Variants in XIRP2 observed in about 807,000 individuals in gnomAD.
XIRP2 encodes the protein xin actin-binding repeat-containing protein 2.
Under a neutral mutation model 277.0 loss-of-function variants are expected in XIRP2, and 236 were observed. The observed-to-expected ratio is 0.85, with a 90% CI of 0.77 to 0.95. The LOEUF (loss-of-function observed/expected upper bound fraction) is 0.95. Among genes scored for constraint, XIRP2 ranks in the 40% least tolerant of loss-of-function variants. XIRP2 has a pLI of 0.00. For synonymous variants in XIRP2, 1,490 were observed against 1,416.5 expected (o/e 1.05, Z -1.17); for missense variants, 4,640 against 4,157.5 (o/e 1.12, Z -3.19).
intron 3 of XIRP2, among the ~76,000 whole-genome samples, chr2:167,204,596 A>G (rs971112868): frequency 3.3e-5 from 5 of 152,310 alleles, no homozygotes; most frequent in Admixed American, 2.6e-4. Context: ...ATCTCCTGGT[A>G]TGATTGAGAA....
intron 2 of XIRP2, among the ~76,000 whole-genome samples, chr2:167,130,623 T>C (rs1293648272): frequency 6.6e-6 from 1 of 152,188 alleles, no homozygotes; most frequent in Non-Finnish European, 1.5e-5. Context: ...TCCAGTCTGC[T>C]GACCCTTTAT....
At chr2:167,077,787 G>T (rs1025304235) in intron 2 of XIRP2, among the ~76,000 whole-genome samples, 2 of 152,184 alleles carry the variant, frequency 1.3e-5, no homozygotes, top group African/African-American at 4.8e-5. Context: ...AGTGACAAGG[G>T]AAGGTGTGAA....
intron 2 of XIRP2, among the ~76,000 whole-genome samples, chr2:167,034,009 A>G (rs1367136937): frequency 3.3e-5 from 5 of 152,180 alleles, no homozygotes; most frequent in Non-Finnish European, 7.3e-5. Flanking sequence ...TGTTATATAA[A>G]CTACTTATAT....
intron 5 of XIRP2, among the ~76,000 whole-genome samples, chr2:167,220,461 C>T (rs756039547): frequency 1.1e-4 from 16 of 152,206 alleles, no homozygotes; most frequent in Non-Finnish European, 1.8e-4. Context: ...GTGCTTAACA[C>T]ATTGCCTGGT....
intron 2 of XIRP2, among the ~76,000 whole-genome samples, chr2:166,997,195 T>C (rs934824828): frequency 1.3e-5 from 2 of 152,202 alleles, no homozygotes; most frequent in Admixed American, 1.3e-4. Flanking sequence ...CAGGATTTTT[T>C]ATTAATCTTT....
chr2:167,239,775 G>A, intron 5 of XIRP2, 80 bp from the exon 6 acceptor site: 2 of 1,174,146 alleles, frequency 1.7e-6, no homozygotes, highest in Non-Finnish European at 2.4e-6. Flanking sequence ...TTCAGAAATT[G>A]TCACTGAAAT....
At chr2:166,977,090 A>T (rs1686735179) in intron 2 of XIRP2, among the ~76,000 whole-genome samples, 1 of 152,068 alleles carries the variant, frequency 6.6e-6, no homozygotes, top group African/African-American at 2.4e-5. Context: ...CCTGAAAGCA[A>T]TGTGTGTTTG....
chr2:167,036,888 T>C (rs1688520682), intron 2 of XIRP2, among the ~76,000 whole-genome samples: 1 of 152,184 alleles, frequency 6.6e-6, no homozygotes, highest in South Asian at 2.1e-4. Context: ...TTATGAGACC[T>C]GATGGGTTTA....
At chr2:167,035,859 C>T (rs1363739602) in intron 2 of XIRP2, among the ~76,000 whole-genome samples, 1 of 152,192 alleles carries the variant, frequency 6.6e-6, no homozygotes, top group East Asian at 1.9e-4. Context: ...GGCCCCTATG[C>T]TTTGTGCAGC....
chr2:167,212,332 A>G (rs1000700050), intron 4 of XIRP2, among the ~76,000 whole-genome samples: 1 of 152,220 alleles, frequency 6.6e-6, no homozygotes, highest in Non-Finnish European at 1.5e-5. Context: ...GAAAATGCCT[A>G]AAGACTGGTT....
intron 3 of XIRP2, among the ~76,000 whole-genome samples, chr2:167,186,901 T>A (rs182962349): frequency 7.2e-5 from 11 of 151,902 alleles, no homozygotes; most frequent in African/African-American, 2.7e-4. Context: ...AAAAACAAAC[T>A]AATGTTTTAC....
In XIRP2 at chr2:167,009,518, C is replaced by T. The variant is rs900174932; in HGVS notation, c.408+105628C>T. On this transcript the variant is annotated intron_variant, in intron 2 of 10. Transcript: ENST00000409195. Reference sequence around the variant, plus strand: ...TTTGCTATTGTGAATAGTGCCGCAACAAACATGCGTGTGCATGTGTCTTTA... The same window carrying T: ...TTTGCTATTGTGAATAGTGCCGCAATAAACATGCGTGTGCATGTGTCTTTA... 9.9e-5 allele frequency among the ~76,000 whole-genome samples: 15 copies of T among 151,888 alleles called. No homozygotes were observed. The South Asian group carries it at 2.5e-3, about 25-fold the overall frequency.
chr2:167,227,601 G>A (rs1694643076), intron 5 of XIRP2, among the ~76,000 whole-genome samples: 1 of 152,046 alleles, frequency 6.6e-6, no homozygotes, highest in African/African-American at 2.4e-5. Context: ...CAGCTACTCA[G>A]GAGGCTGAGG....
intron 5 of XIRP2, among the ~76,000 whole-genome samples, chr2:167,223,715 T>C (rs1694501614): frequency 6.6e-6 from 1 of 152,234 alleles, no homozygotes; most frequent in East Asian, 1.9e-4. Flanking sequence ...AGATTGCTAT[T>C]ATCAGCCCCA....
intron 2 of XIRP2, among the ~76,000 whole-genome samples, chr2:167,018,073 T>C (rs1687880080): frequency 6.6e-6 from 1 of 152,040 alleles, no homozygotes; most frequent in African/African-American, 2.4e-5. Context: ...AGCCTTTTAC[T>C]GCTTAATAAC....
chr2:167,145,185 G>T (rs1691828966), intron 3 of XIRP2, among the ~76,000 whole-genome samples: 1 of 152,070 alleles, frequency 6.6e-6, no homozygotes, highest in East Asian at 1.9e-4. Flanking sequence ...TACTACATGT[G>T]TTAAACATTA....
At chr2:167,214,217 G>GAA (rs2105394590) in intron 4 of XIRP2, among the ~76,000 whole-genome samples, 1 of 91,428 alleles carries the variant, frequency 1.1e-5, no homozygotes, top group African/African-American at 6.7e-5. Context: ...AGGGAGGGAG[G>GAA]GAGGGAGGGA....
chr2:167,227,816 T>A (rs1694649065), intron 5 of XIRP2, among the ~76,000 whole-genome samples: 1 of 152,132 alleles, frequency 6.6e-6, no homozygotes, highest in Non-Finnish European at 1.5e-5. Context: ...ATAAAGGAAT[T>A]TTTTTAATTT....
Position 167,227,980 on chromosome 2 carries a change from T to A in XIRP2, c.858+9680T>A, listed in dbSNP as rs188963023. Among the ~76,000 whole-genome samples, 18 of 152,278 alleles carry A rather than the reference T, an allele frequency of 1.2e-4. No individual in the cohort carries two copies. The East Asian group carries it at 3.3e-3, about 28-fold the overall frequency. On this transcript the variant is annotated intron_variant, in intron 5 of 10. Coordinates refer to ENST00000409195, the MANE Select transcript of XIRP2 (RefSeq NM_152381.6). ...TGTATCTTTGATATTTCTGTACCAATAATACTGTTTCATGAAAGACAGAGC... is the reference window on the plus strand; with the variant it reads ...TGTATCTTTGATATTTCTGTACCAAAAATACTGTTTCATGAAAGACAGAGC...
Sources: allele counts gnomAD v4.1 joint callset (sites outside exome capture counted in the v4.1 genomes callset), GRCh38; gene constraint gnomAD v4.1.1; transcripts MANE v1.5; gene names NCBI Gene and HGNC (gene_info 2026-07-23, HGNC 2026-07-21).